The following IRAK2 variants were observed in gnomAD, a reference collection of about 807,000 sequenced individuals.
IRAK2 encodes interleukin-1 receptor-associated kinase-like 2.
Under a neutral mutation model 72.0 loss-of-function variants are expected in IRAK2, and 57 were observed. That is an observed-to-expected ratio of 0.79 (90% CI 0.64 to 0.99). IRAK2 has a LOEUF of 0.99. IRAK2 is among the 50% of genes least tolerant of loss of function. The pLI is 0.00. For synonymous variants in IRAK2, 293 were observed against 312.7 expected (o/e 0.94, Z 0.67); for missense variants, 790 against 794.4 (o/e 0.99, Z 0.07).
intron 10 of IRAK2, 151 bp downstream of exon 10, chr3:10,226,584 T>A (rs1281742984): frequency 4.9e-6 from 3 of 608,002 alleles, no homozygotes; most frequent in Non-Finnish European, 9.0e-6. Context: ...AGCTTTAACC[T>A]CCCATCCCCA....
Position 10,234,613 on chromosome 3 carries a change from C to T in IRAK2, c.1427C>T (p.Thr476Met), listed in dbSNP as rs770986624. ...GAGGACTGCGCCGAGGCCCTGGCCA[C>T]GGCTGCCTGCCTGTGCCTGCGGAGG... ...LPEDCAEALA[T>M]AACLCLRRRN... The change falls in exon 11 of 13, where the codon ACG becomes ATG. Residue 476 changes from threonine to methionine, a missense_variant. Transcript: ENST00000256458. 7.4e-6 allele frequency: 12 copies of T among 1,613,108 alleles called. 1 individual carries two copies. Among genetic ancestry groups the T allele is most frequent in the South Asian group, 4.4e-5 (4 of 91,078 alleles).
intron 9 of IRAK2, among the ~76,000 whole-genome samples, chr3:10,223,904 G>C (rs1454630724): frequency 6.6e-6 from 1 of 152,220 alleles, no homozygotes; most frequent in Non-Finnish European, 1.5e-5. Flanking sequence ...CCGTGGCCCT[G>C]AGTCACCTCT....
intron 1 of IRAK2, among the ~76,000 whole-genome samples, chr3:10,165,975 AC>A (rs1465276677): frequency 9.9e-5 from 15 of 151,368 alleles, no homozygotes; most frequent in Non-Finnish European, 2.1e-4. Flanking sequence ...TGATCCGCCC[AC>A]CCTGGGCCTC....
intron 7 of IRAK2, 108 bp from the exon 8 acceptor site, chr3:10,219,572 C>A (rs1697656287): frequency 5.4e-6 from 4 of 734,788 alleles, no homozygotes; most frequent in Non-Finnish European, 9.5e-6. Flanking sequence ...CCTGCCTGGG[C>A]CTCCCAGTGT....
chr3:10,219,640 A>G lies in IRAK2; in HGVS notation c.904-40A>G, dbSNP rs1402909152. Reference sequence around the variant, plus strand: ...GCTGCCATCAGGACTTTAAAAAGGTACATTGTGACTATTTGTCCTCCTGCT... The same window carrying G: ...GCTGCCATCAGGACTTTAAAAAGGTGCATTGTGACTATTTGTCCTCCTGCT... On this transcript the variant is annotated intron_variant, in intron 7 of 12. Transcript: ENST00000256458. 4 of 1,484,372 alleles carry G rather than the reference A, an allele frequency of 2.7e-6. No individual in the cohort carries two copies. In the African/African-American group the frequency reaches 4.2e-5, roughly 15 times the overall value. 92.0% of individuals were successfully genotyped at this position (1,484,372 alleles called of 1,614,324 possible). A position where few individuals can be genotyped will look rare whatever the true frequency, so the allele number is the denominator to read the frequency against.
chr3:10,239,085 C>G, intron 12 of IRAK2, 46 bp downstream of exon 12: 2 of 1,462,944 alleles, frequency 1.4e-6, no homozygotes, highest in Admixed American at 2.2e-5. Flanking sequence ...GTGTGTGTCC[C>G]CAACTTCAGC....
intron 10 of IRAK2, among the ~76,000 whole-genome samples, chr3:10,229,974 C>T (rs918338982): frequency 3.9e-5 from 6 of 152,014 alleles, no homozygotes; most frequent in African/African-American, 1.4e-4. Context: ...GTGGCGAGTG[C>T]CTGTAATCCC....
rs371318322 is a variant in IRAK2, at chr3:10,241,619, G to A, written c.1766-497G>A. ...GGCTGGGTGCTGTGGCTCACAGGCCGGGCGTGGTGGCTCACGCCTGTCTGT... is the reference window on the plus strand; with the variant it reads ...GGCTGGGTGCTGTGGCTCACAGGCCAGGCGTGGTGGCTCACGCCTGTCTGT... On this transcript the variant is annotated intron_variant, in intron 12 of 12. Transcript: ENST00000256458. 2.9e-4 allele frequency among the ~76,000 whole-genome samples: 43 copies of A among 146,684 alleles called. 1 individual carries two copies. Among genetic ancestry groups the A allele is most frequent in the East Asian group, 1.7e-3 (8 of 4,722 alleles).
chr3:10,233,856 T>C (rs1697906274), intron 10 of IRAK2, among the ~76,000 whole-genome samples: 2 of 152,120 alleles, frequency 1.3e-5, no homozygotes, highest in African/African-American at 4.8e-5. Flanking sequence ...TGTAGGTATT[T>C]TATTATTTTT....
chr3:10,219,161 C>T (rs1697649066), intron 7 of IRAK2, among the ~76,000 whole-genome samples: 1 of 152,140 alleles, frequency 6.6e-6, no homozygotes, highest in African/African-American at 2.4e-5. Flanking sequence ...TGCTGCACTC[C>T]AGTCTGGGTG....
In IRAK2 at chr3:10,178,320, G is replaced by C. The variant is rs183717401; in HGVS notation, c.277+300G>C. Among the ~76,000 whole-genome samples the C allele has an allele frequency of 9.4e-4, 143 of 152,202 alleles. 1 individual carries two copies. In the East Asian group the frequency reaches 0.022, roughly 24 times the overall value. ...TAAAAATACAAAATTAGCTGGGCTT[G>C]GTGGCCTGCGCCTGTAATCCCAGCT... is the stretch of plus-strand genomic sequence containing the variant. On this transcript the variant is annotated intron_variant, in intron 2 of 12. Coordinates refer to ENST00000256458, the MANE Select transcript of IRAK2 (RefSeq NM_001570.4).
chr3:10,240,807 C>T (rs2125166989), intron 12 of IRAK2, among the ~76,000 whole-genome samples: 1 of 151,608 alleles, frequency 6.6e-6, no homozygotes, highest in South Asian at 2.1e-4. Flanking sequence ...GATCCGCCCA[C>T]CTCGGCCTCC....
intron 4 of IRAK2, among the ~76,000 whole-genome samples, chr3:10,212,796 G>T (rs1338887690): frequency 7.9e-6 from 1 of 125,980 alleles, no homozygotes. Flanking sequence ...ACAGAGTCTC[G>T]CTCTGTCACC....
At chr3:10,211,323 G>A (rs915139310) in intron 4 of IRAK2, among the ~76,000 whole-genome samples, 1 of 148,858 alleles carries the variant, frequency 6.7e-6, no homozygotes, top group African/African-American at 2.5e-5. Context: ...TGTATTTTTA[G>A]TAGAGACACG....
chr3:10,198,130 C>T (rs964691736), intron 2 of IRAK2, among the ~76,000 whole-genome samples: 1 of 152,120 alleles, frequency 6.6e-6, no homozygotes, highest in African/African-American at 2.4e-5. Flanking sequence ...GCCCGAGAAT[C>T]GGAGCTTGCA....
chr3:10,166,844 A>G (rs914090105), intron 1 of IRAK2, among the ~76,000 whole-genome samples: 18 of 152,104 alleles, frequency 1.2e-4, no homozygotes, highest in African/African-American at 3.9e-4. Flanking sequence ...GGGTTTCGCC[A>G]TGTTGGCCAG....
chr3:10,235,620 C>T (rs1402737267), intron 11 of IRAK2, among the ~76,000 whole-genome samples: 4 of 152,082 alleles, frequency 2.6e-5, no homozygotes, highest in Non-Finnish European at 5.9e-5. Flanking sequence ...GAGGTGCAGG[C>T]CCCCACCTGT....
intron 3 of IRAK2, among the ~76,000 whole-genome samples, chr3:10,203,085 C>T (rs761416758): frequency 1.2e-4 from 19 of 152,116 alleles, no homozygotes; most frequent in Non-Finnish European, 2.2e-4. Flanking sequence ...CAACCTTTGC[C>T]TCCCGGGTTC....
chr3:10,177,388 C>T (rs1696892625), intron 1 of IRAK2, among the ~76,000 whole-genome samples: 2 of 152,164 alleles, frequency 1.3e-5, no homozygotes, highest in South Asian at 4.1e-4. Context: ...AGGTGCCTCA[C>T]CTGACTCACC....
Sources: gnomAD v4.1 joint callset for allele counts (sites outside exome capture counted in the v4.1 genomes callset) on GRCh38, gnomAD v4.1.1 for gene constraint, MANE v1.5 for transcripts, NCBI Gene and HGNC (gene_info 2026-07-23, HGNC 2026-07-21) for gene names.